Variants in GRM5 observed in about 807,000 individuals in gnomAD.
GRM5 encodes the protein glutamate metabotropic receptor 5.
GRM5 carries 19 observed loss-of-function variants against 83.1 expected under a neutral mutation model. The ratio of observed to expected loss-of-function variants is 0.23; its 90% CI spans 0.16 to 0.34. The LOEUF (loss-of-function observed/expected upper bound fraction) is 0.34. Ranked by LOEUF, GRM5 falls within the 10% of genes least tolerant of loss-of-function variation. The pLI is 1.00. For synonymous variants in GRM5, 675 were observed against 633.6 expected, an observed-to-expected ratio of 1.07 and a Z score of -0.98; for missense variants, 1,160 against 1,588.3, an observed-to-expected ratio of 0.73 and a Z score of 4.58.
chr11:88,555,955 G>A (rs1379487452), intron 8 of GRM5, among the ~76,000 whole-genome samples: 4 of 152,072 alleles, frequency 2.6e-5, no homozygotes, highest in African/African-American at 7.2e-5. Context: ...AATCATAAAT[G>A]CACTGCCAAA....
intron 3 of GRM5, among the ~76,000 whole-genome samples, chr11:88,733,446 T>C (rs901075963): frequency 3.9e-5 from 6 of 152,002 alleles, no homozygotes; most frequent in Non-Finnish European, 8.8e-5. Context: ...GACTATGCAT[T>C]GTGAGGGATG....
intron 3 of GRM5, among the ~76,000 whole-genome samples, chr11:88,835,975 C>G (rs1315636707): frequency 6.6e-6 from 1 of 152,164 alleles, no homozygotes; most frequent in Non-Finnish European, 1.5e-5. Flanking sequence ...GTACCCTCAA[C>G]TCCAACCAAC....
intron 2 of GRM5, among the ~76,000 whole-genome samples, chr11:88,879,108 TG>T (rs1944907480): frequency 6.6e-6 from 1 of 152,082 alleles, no homozygotes; most frequent in Admixed American, 6.6e-5. Context: ...AGAAATACTA[TG>T]GAAATTGTAA....
intron 9 of GRM5, among the ~76,000 whole-genome samples, chr11:88,522,230 A>G (rs1941713393): frequency 6.6e-6 from 1 of 152,166 alleles, no homozygotes; most frequent in Admixed American, 6.5e-5. Flanking sequence ...TTGACGCTAA[A>G]AGTACCTATA....
intron 3 of GRM5, among the ~76,000 whole-genome samples, chr11:88,796,897 CACGTGT>C (rs1372090613): frequency 3.1e-5 from 2 of 65,160 alleles, no homozygotes; most frequent in South Asian, 7.7e-4. Context: ...CACACACACA[CACGTGT>C]GTGTGTGTGT....
intron 2 of GRM5, among the ~76,000 whole-genome samples, chr11:88,998,296 T>C (rs189750264): frequency 6.6e-4 from 101 of 152,234 alleles, no homozygotes; most frequent in Middle Eastern, 3.4e-3. Flanking sequence ...TATTTGAAAA[T>C]CAATCAATGT....
chr11:89,062,930 G>A (rs141399274), intron 1 of GRM5, among the ~76,000 whole-genome samples: 4,576 of 152,360 alleles, frequency 0.03, 221 homozygotes, highest in African/African-American at 0.1. Flanking sequence ...TGTTCGAGGG[G>A]AAAGATAAAT....
chr11:88,632,407 ATT>A (rs1234357471), intron 4 of GRM5, among the ~76,000 whole-genome samples: 2 of 151,480 alleles, frequency 1.3e-5, no homozygotes, highest in African/African-American at 4.9e-5. Context: ...CAATGTTTCT[ATT>A]TTTTTGTAGA....
chr11:88,523,389 T>A (rs1941757136), intron 9 of GRM5, among the ~76,000 whole-genome samples: 1 of 152,166 alleles, frequency 6.6e-6, no homozygotes, highest in Admixed American at 6.5e-5. Context: ...TTTGGTGAAG[T>A]CACTTTAACC....
At chr11:88,543,743 A>G (rs1942327120) in intron 8 of GRM5, among the ~76,000 whole-genome samples, 1 of 145,056 alleles carries the variant, frequency 6.9e-6, no homozygotes, top group East Asian at 2.0e-4. Context: ...ATTATTTTTT[A>G]TGAGTCTGAA....
At chr11:88,569,110 A>G (rs1052735153) in intron 7 of GRM5, among the ~76,000 whole-genome samples, 2 of 152,246 alleles carry the variant, frequency 1.3e-5, no homozygotes, top group African/African-American at 4.8e-5. Context: ...ACACACATAT[A>G]TAAAATCCTG....
chr11:89,046,840 T>C (rs1346243276), intron 2 of GRM5, among the ~76,000 whole-genome samples: 3 of 152,142 alleles, frequency 2.0e-5, no homozygotes, highest in Non-Finnish European at 4.4e-5. Context: ...AATAGGCACC[T>C]AGAACAATCG....
intron 2 of GRM5, among the ~76,000 whole-genome samples, chr11:89,000,791 T>C (rs1164143030): frequency 1.3e-5 from 2 of 152,024 alleles, no homozygotes; most frequent in Admixed American, 6.6e-5. Context: ...TGGGAGAAGA[T>C]ATTTGCAAAC....
intron 2 of GRM5, among the ~76,000 whole-genome samples, chr11:89,043,096 A>T (rs1941568161): frequency 6.6e-6 from 1 of 152,188 alleles, no homozygotes; most frequent in African/African-American, 2.4e-5. Context: ...TAAAGAAGCA[A>T]AACTAAAAAC....
intron 2 of GRM5, among the ~76,000 whole-genome samples, chr11:88,996,071 G>A (rs1226618105): frequency 6.6e-6 from 1 of 152,140 alleles, no homozygotes; most frequent in Non-Finnish European, 1.5e-5. Context: ...ATGTATGCTT[G>A]TATGAGATCT....
intron 1 of GRM5, among the ~76,000 whole-genome samples, chr11:89,059,726 T>C (rs1400351424): frequency 6.6e-6 from 1 of 152,132 alleles, no homozygotes; most frequent in Non-Finnish European, 1.5e-5. Flanking sequence ...GGATTGATAG[T>C]TTGCACTCTG....
intron 3 of GRM5, among the ~76,000 whole-genome samples, chr11:88,706,948 T>A (rs1296696759): frequency 6.6e-5 from 10 of 152,110 alleles, no homozygotes; most frequent in Admixed American, 6.6e-4. Flanking sequence ...CTGATTGACA[T>A]GTACACATAT....
chr11:88,765,749 A>G (rs1170682250), intron 3 of GRM5, among the ~76,000 whole-genome samples: 1 of 151,832 alleles, frequency 6.6e-6, no homozygotes, highest in South Asian at 2.1e-4. Context: ...AGAAAAAAAA[A>G]CTTAATGAAA....
At chr11:88,743,741 T>C (rs1242798251) in intron 3 of GRM5, among the ~76,000 whole-genome samples, 1 of 152,194 alleles carries the variant, frequency 6.6e-6, no homozygotes, top group Non-Finnish European at 1.5e-5. Flanking sequence ...TACAATCACA[T>C]TGCATCGTAT....
Sources: gnomAD v4.1 joint callset for allele counts (sites outside exome capture counted in the v4.1 genomes callset) on GRCh38, gnomAD v4.1.1 for gene constraint, MANE v1.5 for transcripts, NCBI Gene and HGNC (gene_info 2026-07-23, HGNC 2026-07-21) for gene names.